TBCD: variants seen among roughly 807,000 people sequenced by gnomAD.
TBCD encodes tubulin-specific chaperone D.
TBCD carries 105 observed loss-of-function variants against 169.3 expected under a neutral mutation model. That is an observed-to-expected ratio of 0.62 (90% CI 0.53 to 0.73). The LOEUF is 0.73. Among genes scored for constraint, TBCD ranks in the 30% least tolerant of loss-of-function variants. TBCD has a pLI of 0.00. For synonymous variants in TBCD, 700 were observed against 643.9 expected (o/e 1.09, Z -1.32); for missense variants, 1,444 against 1,600.1 (o/e 0.90, Z 1.66).
chr17:82,846,433 G>A (rs777272020), intron 13 of TBCD, among the ~76,000 whole-genome samples: 2 of 149,168 alleles, frequency 1.3e-5, no homozygotes, highest in Non-Finnish European at 3.0e-5. Flanking sequence ...GACTTCCATT[G>A]TTTCCCCTTC....
rs569437833 is a variant in TBCD at position 82,768,417 on chromosome 17, T to C, written c.436-3T>C. On this transcript the variant is annotated splice_polypyrimidine_tract_variant and splice_region_variant and intron_variant, in intron 4 of 38. Coordinates refer to ENST00000355528, the MANE Select transcript of TBCD (RefSeq NM_005993.5). The stretch of plus-strand genomic sequence containing the variant: ...TCATTCTTCCCGTGGTTTAATTTTT[T>C]AGGCTTGGGAAACCCGCTACATGCT... 6 of 1,613,848 alleles carry C rather than the reference T, an allele frequency of 3.7e-6. No homozygotes were observed. The African/African-American group carries it at 8.0e-5, about 22-fold the overall frequency.
intron 5 of TBCD, among the ~76,000 whole-genome samples, chr17:82,771,923 CAA>C (rs33998188): frequency 5.7e-5 from 8 of 140,064 alleles, no homozygotes; most frequent in South Asian, 2.3e-4. Flanking sequence ...GACTCCGTCT[CAA>C]AAAAAAAAAA....
chr17:82,805,682 C>T (rs1204556098), intron 9 of TBCD, among the ~76,000 whole-genome samples, 193 bp from the exon 10 acceptor site: 1 of 152,166 alleles, frequency 6.6e-6, no homozygotes, highest in Non-Finnish European at 1.5e-5. Flanking sequence ...TTTTGTGGCC[C>T]ACACCAGGAT....
At chr17:82,796,440 G>C (rs2050112036) in intron 7 of TBCD, among the ~76,000 whole-genome samples, 1 of 152,214 alleles carries the variant, frequency 6.6e-6, no homozygotes, top group Admixed American at 6.5e-5. Context: ...CATTCACTTG[G>C]TAGGGAACGT....
At position 82,889,094 on chromosome 17, in the gene TBCD, A is replaced by G. The variant is rs991450016; in HGVS notation, c.1534-574A>G. Among the ~76,000 whole-genome samples the G allele has an allele frequency of 7.2e-5, 11 of 152,078 alleles. No individual in the cohort carries two copies. Among genetic ancestry groups the G allele is most frequent in the African/African-American group, 2.4e-4 (10 of 41,434 alleles). ...CCTGCTCTGCCTGGTCGGTGCGCCT[A>G]AGGGGGGCAGGGTGTTTGGGGAGGA... On this transcript the variant is annotated intron_variant, in intron 15 of 38. Coordinates refer to ENST00000355528, the MANE Select transcript of TBCD (RefSeq NM_005993.5). The surrounding 1 kb of genome is among the most constrained non-coding windows in gnomAD (Gnocchi z 5.3).
Position 82,764,098 on chromosome 17 carries a change from C to CT in TBCD, c.333+40dup, listed in dbSNP as rs762780540. 1.8e-5 allele frequency: 27 copies of CT among 1,508,808 alleles called. No homozygotes were observed. The South Asian group carries it at 2.6e-4, about 15-fold the overall frequency. 93.5% of individuals were successfully genotyped at this position (1,508,808 alleles called of 1,614,324 possible). A position where few individuals can be genotyped will look rare whatever the true frequency, so the allele number is the denominator to read the frequency against. On this transcript the variant is annotated intron_variant, in intron 3 of 38. Coordinates refer to ENST00000355528, the MANE Select transcript of TBCD (RefSeq NM_005993.5). ...CATAGCACTTCAGAGTTGACAGATA[C>CT]TTTTGTAATATACTTGGTCCAGAGG...
intron 13 of TBCD, among the ~76,000 whole-genome samples, chr17:82,859,034 G>A (rs2056545527): frequency 6.6e-6 from 1 of 152,250 alleles, no homozygotes; most frequent in Admixed American, 6.5e-5. Flanking sequence ...TCGGGGCCCC[G>A]AGAGGCCATG....
rs1321305462 is a variant in TBCD at position 82,833,615 on chromosome 17, T to C, written c.1318+18681T>C. 6.6e-6 allele frequency among the ~76,000 whole-genome samples: 1 copy of C among 152,198 alleles called. No individual in the cohort carries two copies. Among genetic ancestry groups the C allele is most frequent in the Non-Finnish European group, 1.5e-5 (1 of 68,038 alleles). On this transcript the variant is annotated intron_variant, in intron 13 of 38. Transcript: ENST00000355528. The surrounding 1 kb of genome is among the most constrained non-coding windows in gnomAD (Gnocchi z 4.7). ...CCCGGTTCCTGCTGGCCAGGAGGCA[T>C]GGCCAGCAGCGCCTGCCCGTCCAGA...
intron 35 of TBCD, 154 bp from the exon 36 acceptor site, chr17:82,937,895 G>GCA (rs1415344496): frequency 1.0e-5 from 16 of 1,528,586 alleles, no homozygotes; most frequent in Non-Finnish European, 1.4e-5. Flanking sequence ...GCAGATGTAC[G>GCA]CACACACACA....
At chr17:82,865,558 T>A (rs2057112788) in intron 13 of TBCD, 1 of 985,186 alleles carries the variant, frequency 1.0e-6, no homozygotes, top group Admixed American at 6.1e-5. Context: ...GGCTGCACTG[T>A]GCACAGCCCT....
intron 13 of TBCD, among the ~76,000 whole-genome samples, chr17:82,863,934 C>T (rs1463350594): frequency 6.6e-6 from 1 of 152,232 alleles, no homozygotes; most frequent in African/African-American, 2.4e-5. Flanking sequence ...TCAAATGCCT[C>T]ACAGCGGCAG....
chr17:82,876,894 C>T, intron 14 of TBCD: 1 of 900,718 alleles, frequency 1.1e-6, no homozygotes, highest in Non-Finnish European at 1.3e-6. Context: ...CCGGGAGTGC[C>T]TGCGTCTCCT....
intron 13 of TBCD, chr17:82,859,670 G>A: frequency 1.0e-6 from 1 of 985,442 alleles, no homozygotes; most frequent in Non-Finnish European, 1.2e-6. Context: ...GGCTCCTGAG[G>A]ACCAGCAGAG....
intron 1 of TBCD, among the ~76,000 whole-genome samples, chr17:82,753,894 G>A (rs2047258079): frequency 6.9e-6 from 1 of 145,884 alleles, no homozygotes; most frequent in Non-Finnish European, 1.5e-5. Flanking sequence ...TTGAGGCGGA[G>A]TCTCACTTTG....
intron 17 of TBCD, among the ~76,000 whole-genome samples, chr17:82,899,467 C>T (rs1261725651): frequency 3.3e-5 from 5 of 152,122 alleles, no homozygotes; most frequent in African/African-American, 7.3e-5. Flanking sequence ...GCGTGTGTGT[C>T]CGCAGCGCGT....
At position 82,911,617 on chromosome 17, in the gene TBCD, G is replaced by C. The variant is rs1484358039; in HGVS notation, c.2007-141G>C. On this transcript the variant is annotated intron_variant, in intron 22 of 38. Transcript: ENST00000355528. ...CGTTTTTTCCTTTCTTTTCATAAAA[G>C]GTTGCTCATGCTCAGTAACACATTC... 3.9e-6 allele frequency: 3 copies of C among 771,818 alleles called. No homozygotes were observed. The African/African-American group carries it at 5.3e-5, about 14-fold the overall frequency. 47.8% of individuals were successfully genotyped at this position (771,818 alleles called of 1,614,324 possible).
chr17:82,929,233 C>G lies in TBCD; in HGVS notation c.2814C>G (p.His938Gln). The G allele has an allele frequency of 1.9e-6, 3 of 1,613,988 alleles. No individual in the cohort carries two copies. The South Asian group carries it at 3.3e-5, about 18-fold the overall frequency. ...LLHFDSPPIP[H>Q]VPHRGELEKL... ...ACTTTGACAGCCCTCCCATCCCCCA[C>G]GTGCCCCACCGAGGAGAACTGGAAA... Residue 938 changes from histidine (H) to glutamine (Q), a missense_variant, in exon 31 of 39, where the codon CAC becomes CAG. His to Gln is a conservative substitution (Grantham distance 24, BLOSUM62 0). Coordinates refer to ENST00000355528, the MANE Select transcript of TBCD (RefSeq NM_005993.5).
At chr17:82,843,578 A>G (rs1326870341) in intron 13 of TBCD, among the ~76,000 whole-genome samples, 1 of 100,422 alleles carries the variant, frequency 1.0e-5, no homozygotes, top group African/African-American at 3.9e-5. Flanking sequence ...CAGCTTACTT[A>G]CCCTTCCCTT....
Position 82,915,192 on chromosome 17 carries a change from C to G in TBCD, c.2038+3403C>G, listed in dbSNP as rs1457180340. On this transcript the variant is annotated intron_variant, in intron 23 of 38. Coordinates refer to ENST00000355528, the MANE Select transcript of TBCD (RefSeq NM_005993.5). The surrounding 1 kb of genome is among the most constrained non-coding windows in gnomAD (Gnocchi z 4.3). ...CCAGGCCAGAGGATGGCGCCCTTAC[C>G]CCCGAGGACGCCGGCATGTCGGTGA... 6.6e-6 allele frequency among the ~76,000 whole-genome samples: 1 copy of G among 152,122 alleles called. No individual in the cohort carries two copies. The highest frequency in any genetic ancestry group is 2.4e-5 in the African/African-American group (1 of 41,422).
Sources: gnomAD v4.1 joint callset for allele counts (sites outside exome capture counted in the v4.1 genomes callset) on GRCh38, gnomAD v4.1.1 for gene constraint, Gnocchi (gnomAD v3.1) non-coding constraint, MANE v1.5 for transcripts, NCBI Gene and HGNC (gene_info 2026-07-23, HGNC 2026-07-21) for gene names.